Variants in KIAA0513 observed in about 807,000 individuals in gnomAD.
The protein encoded by KIAA0513 is uncharacterized protein KIAA0513.
A neutral mutation model predicts 56.5 loss-of-function variants in KIAA0513; 39 were observed. That is an observed-to-expected ratio of 0.69 (90% confidence interval 0.53 to 0.90). KIAA0513 has a LOEUF of 0.90. Ranked by LOEUF, KIAA0513 falls within the 40% of genes least tolerant of loss-of-function variation. The probability of loss-of-function intolerance (pLI) is 0.00; values close to 1 mark genes in which losing one functional copy is unlikely to be tolerated. For missense variants in KIAA0513, 591 were observed against 535.2 expected (o/e 1.10, Z -1.03); for synonymous variants, 268 against 215.6 (o/e 1.24, Z -2.13).
intron 1 of KIAA0513, among the ~76,000 whole-genome samples, chr16:85,044,781 C>T (rs1266443632): frequency 6.6e-6 from 1 of 151,610 alleles, no homozygotes; most frequent in Non-Finnish European, 1.5e-5. Context: ...GCTGGGATTA[C>T]AGGCATGAGC....
chr16:85,048,104 A>G (rs1238900476), intron 1 of KIAA0513, among the ~76,000 whole-genome samples: 1 of 152,228 alleles, frequency 6.6e-6, no homozygotes, highest in East Asian at 1.9e-4. Flanking sequence ...TGAGGAAGTC[A>G]GGAATAAAGT....
intron 8 of KIAA0513, among the ~76,000 whole-genome samples, chr16:85,080,107 G>C (rs919152403): frequency 6.6e-5 from 10 of 152,196 alleles, no homozygotes; most frequent in Non-Finnish European, 7.3e-5. Context: ...CCAGAGGGCA[G>C]AGGGCAGAGG....
Position 85,087,198 on chromosome 16 carries a change from G to A in KIAA0513, c.1186+32G>A, listed in dbSNP as rs199524103. On this transcript the variant is annotated intron_variant, in intron 12 of 12. Coordinates refer to ENST00000683363, the MANE Select transcript of KIAA0513 (RefSeq NM_001388359.1). The stretch of plus-strand genomic sequence containing the variant: ...CTGGGGGAGGCTGCTGGCAGGAGGC[G>A]GGCAGGGCTGGGGTCAGGAGCCAGT... 402 of 1,565,358 alleles carry A rather than the reference G, an allele frequency of 2.6e-4. 2 individuals are homozygous for A. In the African/African-American group the frequency reaches 4.8e-3, roughly 19 times the overall value.
At chr16:85,053,394 T>C (rs1187744917) in intron 1 of KIAA0513, among the ~76,000 whole-genome samples, 1 of 152,242 alleles carries the variant, frequency 6.6e-6, no homozygotes, top group Non-Finnish European at 1.5e-5. Context: ...TGTGTCATTC[T>C]GTAAGTTAAC....
At chr16:85,065,566 G>A (rs148696118) in intron 1 of KIAA0513, among the ~76,000 whole-genome samples, 12 of 152,348 alleles carry the variant, frequency 7.9e-5, no homozygotes, top group Non-Finnish European at 1.2e-4. Context: ...GAATTTGGAG[G>A]AATCCATCAT....
At chr16:85,036,225 C>A (rs1160848849) in intron 1 of KIAA0513, among the ~76,000 whole-genome samples, 2 of 152,218 alleles carry the variant, frequency 1.3e-5, no homozygotes, top group Middle Eastern at 3.4e-3. Context: ...TTGTACAATT[C>A]AGTGATTCTT....
At chr16:85,082,825 C>G (rs540996750) in intron 10 of KIAA0513, among the ~76,000 whole-genome samples, 6 of 152,228 alleles carry the variant, frequency 3.9e-5, no homozygotes, top group African/African-American at 1.4e-4. Flanking sequence ...GGCCGGAGCA[C>G]TCCGAAATAG....
intron 1 of KIAA0513, among the ~76,000 whole-genome samples, chr16:85,061,864 C>T (rs2143981748): frequency 6.6e-6 from 1 of 152,326 alleles, no homozygotes; most frequent in Admixed American, 6.5e-5. Flanking sequence ...AAACCCCCTC[C>T]AGAATACAGA....
chr16:85,043,513 G>A (rs2073130685), intron 1 of KIAA0513, among the ~76,000 whole-genome samples: 1 of 146,670 alleles, frequency 6.8e-6, no homozygotes, highest in South Asian at 2.2e-4. Flanking sequence ...CTGGGTTCAA[G>A]CAATTCTCAT....
chr16:85,071,742 GTTTT>G, intron 2 of KIAA0513, 37 bp from the exon 3 acceptor site: 5 of 1,091,024 alleles, frequency 4.6e-6, no homozygotes, highest in Non-Finnish European at 6.4e-6. Context: ...ATTGAAAAGG[GTTTT>G]TTTTTTTTTT....
chr16:85,071,287 C>T (rs141873488), intron 2 of KIAA0513, among the ~76,000 whole-genome samples: 86 of 152,308 alleles, frequency 5.6e-4, no homozygotes, highest in African/African-American at 1.9e-3. Context: ...CCCGCTGATA[C>T]GTGGGAGGTG....
At position 85,066,935 on chromosome 16, in the gene KIAA0513, C is replaced by A. The variant is rs367586528; in HGVS notation, c.-137C>A. ...GCCAGGTGAGCTGCTGTGAAGGACT[C>A]ATTCTTGGTAGCCGGCAGTTACTGG... On this transcript the variant is annotated 5_prime_UTR_variant, in exon 2 of 13. Transcript: ENST00000683363. 11 of 649,626 alleles carry A rather than the reference C, an allele frequency of 1.7e-5. No homozygotes were observed. The highest frequency in any genetic ancestry group is 2.8e-5 in the Non-Finnish European group (11 of 386,498). The allele number at this position is 649,626 out of a possible 1,614,324, so 40.2% of individuals were successfully genotyped here. A position where few individuals can be genotyped will look rare whatever the true frequency, so the allele number is the denominator to read the frequency against.
At chr16:85,059,254 G>T (rs2143966926) in intron 1 of KIAA0513, among the ~76,000 whole-genome samples, 1 of 152,356 alleles carries the variant, frequency 6.6e-6, no homozygotes, top group Non-Finnish European at 1.5e-5. Context: ...CGTCTTGCAG[G>T]TATCCAGTAT....
At chr16:85,037,742 A>G (rs1479765168) in intron 1 of KIAA0513, among the ~76,000 whole-genome samples, 1 of 152,210 alleles carries the variant, frequency 6.6e-6, no homozygotes, top group Non-Finnish European at 1.5e-5. Flanking sequence ...CTCTTGTGGA[A>G]GCAAGCGGTA....
rs199812396 is a variant in KIAA0513, at chr16:85,038,496, C to T, written c.-173+10638C>T. 6.6e-5 allele frequency among the ~76,000 whole-genome samples: 10 copies of T among 152,166 alleles called. No homozygotes were observed. The East Asian group carries it at 1.5e-3, about 24-fold the overall frequency. ...CTGAGGTGGGTGGATCACTTGAGGT[C>T]AGGAGTTCCAGACCGGTCTGACCAA... On this transcript the variant is annotated intron_variant, in intron 1 of 12. Transcript: ENST00000683363.
At chr16:85,059,252 A>G (rs2073370733) in intron 1 of KIAA0513, among the ~76,000 whole-genome samples, 1 of 152,228 alleles carries the variant, frequency 6.6e-6, no homozygotes, top group Non-Finnish European at 1.5e-5. Flanking sequence ...TGCGTCTTGC[A>G]GGTATCCAGT....
intron 1 of KIAA0513, among the ~76,000 whole-genome samples, chr16:85,052,101 C>G (rs1029279316): frequency 2.0e-5 from 3 of 152,140 alleles, no homozygotes; most frequent in Non-Finnish European, 2.9e-5. Flanking sequence ...GCAGGCAGAT[C>G]ACGAGGTCAA....
rs2073651076 is a variant in KIAA0513, at chr16:85,076,024, G to A, written c.574+110G>A. 1 of 760,994 alleles carries A rather than the reference G, an allele frequency of 1.3e-6. No individual in the cohort carries two copies. The highest frequency in any genetic ancestry group is 2.3e-6 in the Non-Finnish European group (1 of 433,192). 47.1% of individuals were successfully genotyped at this position (760,994 alleles called of 1,614,324 possible). On this transcript the variant is annotated intron_variant, in intron 5 of 12. Transcript: ENST00000683363. This position sits in a 1 kb window ranked among gnomAD's most constrained non-coding sequence, Gnocchi z 4.7. ...AAAAGCAAAAGCTATGGGGCCTCCA[G>A]AGAACAGAGGAAGCTGATGTTAGGG...
Position 85,070,690 on chromosome 16 carries a change from G to C in KIAA0513, c.330-1093G>C, listed in dbSNP as rs150021980. 7.2e-4 allele frequency among the ~76,000 whole-genome samples: 109 copies of C among 152,294 alleles called. 2 individuals are homozygous for C. Among genetic ancestry groups the C allele is most frequent in the Admixed American group, 3.1e-3 (47 of 15,288 alleles). ...GCGAGACTCCGTCTCAAAAAAAATT[G>C]ATAAATAAAAATGCATTTATGTTTA... On this transcript the variant is annotated intron_variant, in intron 2 of 12. Coordinates refer to ENST00000683363, the MANE Select transcript of KIAA0513 (RefSeq NM_001388359.1).
Sources: allele counts gnomAD v4.1 joint callset (sites outside exome capture counted in the v4.1 genomes callset), GRCh38; gene constraint gnomAD v4.1.1; non-coding constraint Gnocchi (gnomAD v3.1); transcripts MANE v1.5; gene names NCBI Gene and HGNC (gene_info 2026-07-23, HGNC 2026-07-21).